The following TBC1D19 variants were observed in gnomAD, a reference collection of about 807,000 sequenced individuals.
TBC1D19 encodes the protein TBC1 domain family, member 19.
Under a neutral mutation model 89.0 loss-of-function variants are expected in TBC1D19, and 60 were observed. The observed-to-expected ratio is 0.67, with a 90% CI of 0.55 to 0.84. The LOEUF (loss-of-function observed/expected upper bound fraction) is 0.84. Among genes scored for constraint, TBC1D19 ranks in the 40% least tolerant of loss-of-function variants. TBC1D19 has a pLI of 0.00. For synonymous variants in TBC1D19, 189 were observed against 199.7 expected, an observed-to-expected ratio of 0.95 and a Z score of 0.45; for missense variants, 500 against 610.8, an observed-to-expected ratio of 0.82 and a Z score of 1.91.
chr4:26,611,365 T>C (rs1311647990), intron 1 of TBC1D19, among the ~76,000 whole-genome samples: 1 of 152,102 alleles, frequency 6.6e-6, no homozygotes, highest in Admixed American at 6.6e-5. Context: ...GTTTATCAGC[T>C]GAAGAACTAG....
chr4:26,643,584 A>G (rs1743700222), intron 7 of TBC1D19, among the ~76,000 whole-genome samples: 1 of 152,234 alleles, frequency 6.6e-6, no homozygotes, highest in African/African-American at 2.4e-5. Flanking sequence ...ATCAGAGCAG[A>G]ACTGAAGGAG....
At chr4:26,796,040 T>G in the TBC1D19 span, among the ~76,000 whole-genome samples, 4 of 152,196 alleles carry the variant, frequency 2.6e-5, no homozygotes, top group Non-Finnish European at 4.4e-5. Flanking sequence ...TTAATATGCC[T>G]CTAAGGTATT....
chr4:26,584,417 A>G, intron 1 of TBC1D19, 125 bp downstream of exon 1: 2 of 872,120 alleles, frequency 2.3e-6, no homozygotes, highest in Non-Finnish European at 3.5e-6. Context: ...TGCTCAAAAA[A>G]CAAACAGACA....
intron 18 of TBC1D19, among the ~76,000 whole-genome samples, chr4:26,742,944 T>G (rs1718456133): frequency 6.6e-6 from 1 of 152,130 alleles, no homozygotes; most frequent in Non-Finnish European, 1.5e-5. Flanking sequence ...ATACTAAACT[T>G]AATTCAATAT....
At chr4:26,803,757 CT>C in the TBC1D19 span, among the ~76,000 whole-genome samples, 1 of 152,102 alleles carries the variant, frequency 6.6e-6, no homozygotes, top group East Asian at 1.9e-4. Context: ...TCCTGGGTGG[CT>C]CCTGGCAAGC....
chr4:26,606,510 A>G (rs1300496983), intron 1 of TBC1D19, among the ~76,000 whole-genome samples: 1 of 152,186 alleles, frequency 6.6e-6, no homozygotes, highest in Non-Finnish European at 1.5e-5. Context: ...GGGAGTAGTG[A>G]TGGTGAATCT....
At chr4:26,579,382 A>G (rs1431855427), upstream of TBC1D19, among the ~76,000 whole-genome samples, 1 of 152,192 alleles carries the variant, frequency 6.6e-6, no homozygotes, top group Non-Finnish European at 1.5e-5. Flanking sequence ...AGCTTCAGGC[A>G]GTAAGATTTA....
At chr4:26,750,724 G>A (rs945287146) in intron 19 of TBC1D19, among the ~76,000 whole-genome samples, 1 of 152,096 alleles carries the variant, frequency 6.6e-6, no homozygotes, top group Admixed American at 6.5e-5. Context: ...GAAGAATTCT[G>A]GAACATCTAG....
At chr4:26,680,860 T>C (rs1713277090) in intron 11 of TBC1D19, among the ~76,000 whole-genome samples, 2 of 152,230 alleles carry the variant, frequency 1.3e-5, no homozygotes, top group African/African-American at 4.8e-5. Flanking sequence ...CTGCTGGCTC[T>C]TAAGTGCATG....
chr4:26,676,753 C>T (rs1037462292), intron 11 of TBC1D19, among the ~76,000 whole-genome samples: 3 of 151,512 alleles, frequency 2.0e-5, no homozygotes, highest in Admixed American at 6.6e-5. Context: ...ACCTCTTATA[C>T]CTGTTGTCAG....
chr4:26,630,204 T>A (rs1228157897), intron 4 of TBC1D19, among the ~76,000 whole-genome samples: 1 of 151,940 alleles, frequency 6.6e-6, no homozygotes, highest in Non-Finnish European at 1.5e-5. Context: ...TAGAAATTGC[T>A]TTATTTATGA....
intron 1 of TBC1D19, among the ~76,000 whole-genome samples, chr4:26,594,187 G>A (rs563612282): frequency 6.6e-6 from 1 of 152,270 alleles, no homozygotes; most frequent in Non-Finnish European, 1.5e-5. Flanking sequence ...CATGTCCTTT[G>A]TAGGGACATG....
intron 13 of TBC1D19, among the ~76,000 whole-genome samples, chr4:26,696,849 A>G (rs1714833605): frequency 6.6e-6 from 1 of 152,352 alleles, no homozygotes; most frequent in South Asian, 2.1e-4. Flanking sequence ...TCTGGGACAC[A>G]TTTAAAGCAG....
the TBC1D19 span, among the ~76,000 whole-genome samples, chr4:26,826,243 G>T: frequency 6.6e-6 from 1 of 152,108 alleles, no homozygotes; most frequent in Non-Finnish European, 1.5e-5. Flanking sequence ...TCATATTTTT[G>T]TAATAAAAGA....
chr4:26,637,367 C>A, intron 5 of TBC1D19, 82 bp downstream of exon 5: 1 of 1,120,200 alleles, frequency 8.9e-7, no homozygotes, highest in Non-Finnish European at 1.3e-6. Flanking sequence ...AACTGTTAGG[C>A]ACATTTATTT....
At position 26,584,185 on chromosome 4, in the gene TBC1D19, G is replaced by A. The variant is rs112745062; in HGVS notation, c.-9G>A. The A allele has an allele frequency of 4.6e-3, 7,331 of 1,606,908 alleles. 238 individuals are homozygous for A. In the African/African-American group the frequency reaches 0.075, roughly 16 times the overall value. ...TGTCCCCGCGGCTTGGCGGGCTAGG[G>A]CAGGGGAAATGTTGCAGGAGGAGTC... On this transcript the variant is annotated 5_prime_UTR_variant, in exon 1 of 21. Transcript: ENST00000264866.
At chr4:26,732,175 T>G (rs1179405760) in intron 15 of TBC1D19, among the ~76,000 whole-genome samples, 1 of 152,212 alleles carries the variant, frequency 6.6e-6, no homozygotes, top group Non-Finnish European at 1.5e-5. Flanking sequence ...GCTTCTACTC[T>G]GCTTCGTTAG....
intron 6 of TBC1D19, 44 bp from the exon 7 acceptor site, chr4:26,640,097 T>C: frequency 1.5e-6 from 2 of 1,306,900 alleles, no homozygotes; most frequent in Non-Finnish European, 1.1e-6. Context: ...TAAGCCTTCA[T>C]ATATTATTAG....
chr4:26,768,951 A>C, the TBC1D19 span, among the ~76,000 whole-genome samples: 1 of 152,096 alleles, frequency 6.6e-6, no homozygotes, highest in African/African-American at 2.4e-5. Context: ...TCTCCTGTCC[A>C]AGAAGATCAA....
Sources: allele counts gnomAD v4.1 joint callset (sites outside exome capture counted in the v4.1 genomes callset), GRCh38; gene constraint gnomAD v4.1.1; transcripts MANE v1.5; gene names NCBI Gene and HGNC (gene_info 2026-07-23, HGNC 2026-07-21).